Variants in TNRC18 observed in about 807,000 individuals in gnomAD.
TNRC18 encodes trinucleotide repeat containing 18, also known as trinucleotide repeat-containing gene 18 protein.
TNRC18 carries 69 observed loss-of-function variants against 226.7 expected under a neutral mutation model. The observed-to-expected ratio is 0.30, with a 90% CI of 0.25 to 0.37. The LOEUF is 0.37. Ranked by LOEUF, TNRC18 falls within the 10% of genes least tolerant of loss-of-function variation. The pLI, the probability that TNRC18 is intolerant of heterozygous loss-of-function variation, is 1.00. For missense variants in TNRC18, 4,754 were observed against 4,256.6 expected, an observed-to-expected ratio of 1.12 and a Z score of -3.25; for synonymous variants, 2,449 against 1,927.6, an observed-to-expected ratio of 1.27 and a Z score of -7.09.
chr7:5,315,903 C>T, intron 25 of TNRC18, 53 bp downstream of exon 25: 4 of 1,397,836 alleles, frequency 2.9e-6, no homozygotes, highest in Non-Finnish European at 2.9e-6. Flanking sequence ...AGGGCGAGAG[C>T]CTGGGTGGGC....
Position 5,374,344 on chromosome 7 carries a change from G to A in TNRC18, c.2940C>T (p.Ala980=), listed in dbSNP as rs756956239. 5.3e-5 allele frequency: 75 copies of A among 1,422,116 alleles called. 1 individual carries two copies. Among genetic ancestry groups the A allele is most frequent in the East Asian group, 1.2e-4 (4 of 34,294 alleles). 88.1% of individuals were successfully genotyped at this position (1,422,116 alleles called of 1,614,324 possible). The change falls in exon 10 of 30, where the codon GCC becomes GCT. Residue 980 remains alanine (A), a synonymous_variant. Transcript: ENST00000430969. The part of the protein sequence containing the change: ...LLPRKPPGLA[A]GPAGTYGKAV... ...CCTTGCCGTAGGTGCCCGCGGGGCC[G>A]GCGGCCAGGCCAGGGGGCTTCCGCG...
At chr7:5,328,110 C>A (rs1477461168) in intron 19 of TNRC18, among the ~76,000 whole-genome samples, 1 of 152,090 alleles carries the variant, frequency 6.6e-6, no homozygotes, top group African/African-American at 2.4e-5. Context: ...CCCAGCTACT[C>A]TGGAGGCTGA....
rs1312805749 is a variant in TNRC18 at position 5,409,499 on chromosome 7, T to C, written c.187+11561A>G. Among the ~76,000 whole-genome samples, 3 of 149,132 alleles carry C rather than the reference T, an allele frequency of 2.0e-5. 1 individual carries two copies. Among genetic ancestry groups the C allele is most frequent in the African/African-American group, 7.4e-5 (3 of 40,432 alleles). On this transcript the variant is annotated intron_variant, in intron 2 of 29. Transcript: ENST00000430969. ...GAGAAGGCTGAGGCAGGAGGATCGT[T>C]TGAGCCCCAGTCGTTTGAGCTCAAG...
At chr7:5,330,798 T>A (rs988956603) in intron 19 of TNRC18, among the ~76,000 whole-genome samples, 1 of 152,098 alleles carries the variant, frequency 6.6e-6, no homozygotes, top group Non-Finnish European at 1.5e-5. Context: ...CTCAGCCTCC[T>A]GAGTAGCTGG....
At position 5,307,324 on chromosome 7, in the gene TNRC18, A is replaced by T. The variant is rs551573612; in HGVS notation, c.*782T>A. 5 of 158,682 alleles carry T rather than the reference A, an allele frequency of 3.2e-5. No individual in the cohort carries two copies. In the South Asian group the frequency reaches 5.5e-4, roughly 18 times the overall value. 9.8% of individuals were successfully genotyped at this position (158,682 alleles called of 1,614,324 possible). Reference sequence around the variant, plus strand: ...AGTTGACTCCATTTAAAGGCTTATGATACAGGGGCGGGGCGAGTCTCTTGG... The same window carrying T: ...AGTTGACTCCATTTAAAGGCTTATGTTACAGGGGCGGGGCGAGTCTCTTGG... On this transcript the variant is annotated 3_prime_UTR_variant, in exon 30 of 30. Coordinates refer to ENST00000430969, the MANE Select transcript of TNRC18 (RefSeq NM_001080495.3).
chr7:5,389,461 G>GTTTTTTTTGTTTTT (rs1554297485), intron 4 of TNRC18, 125 bp from the exon 5 acceptor site: 2 of 564,674 alleles, frequency 3.5e-6, no homozygotes, highest in Non-Finnish European at 2.3e-6. Context: ...TTTGGTTTTG[G>GTTTTTTTTGTTTTT]TTTTTTTTTT....
At chr7:5,410,708 A>G (rs1393870002) in intron 2 of TNRC18, among the ~76,000 whole-genome samples, 1 of 151,748 alleles carries the variant, frequency 6.6e-6, no homozygotes, top group African/African-American at 2.4e-5. Context: ...TCTACTAAAA[A>G]TACAAAAATT....
intron 11 of TNRC18, among the ~76,000 whole-genome samples, chr7:5,369,939 T>C (rs977686924): frequency 6.6e-6 from 1 of 152,200 alleles, no homozygotes; most frequent in African/African-American, 2.4e-5. Context: ...GTTATGTGTA[T>C]CTTAACCACA....
chr7:5,315,312 G>T (rs1262693376), intron 25 of TNRC18, among the ~76,000 whole-genome samples, 164 bp from the exon 26 acceptor site: 2 of 152,212 alleles, frequency 1.3e-5, no homozygotes. Context: ...TCCAGCAGGG[G>T]AAACCCCGTC....
chr7:5,340,292 T>A (rs1451896961), intron 18 of TNRC18, among the ~76,000 whole-genome samples: 1 of 152,182 alleles, frequency 6.6e-6, no homozygotes, highest in East Asian at 1.9e-4. Context: ...GGAGAGAAGA[T>A]CAAACCACCC....
intron 2 of TNRC18, among the ~76,000 whole-genome samples, chr7:5,413,779 C>T (rs1259600526): frequency 1.3e-5 from 2 of 152,228 alleles, no homozygotes; most frequent in Admixed American, 6.5e-5. Context: ...GCGATCCACC[C>T]GCCTAGGCCT....
At chr7:5,350,184 G>A (rs757648548) in intron 17 of TNRC18, among the ~76,000 whole-genome samples, 6 of 151,972 alleles carry the variant, frequency 3.9e-5, no homozygotes, top group Non-Finnish European at 5.9e-5. Flanking sequence ...GCTCATCCAC[G>A]GACAGCCCGG....
intron 16 of TNRC18, among the ~76,000 whole-genome samples, chr7:5,356,474 G>T (rs1792393837): frequency 1.3e-5 from 2 of 152,346 alleles, no homozygotes; most frequent in Non-Finnish European, 2.9e-5. Flanking sequence ...GCAACAGACG[G>T]CATGCTTCCT....
intron 18 of TNRC18, among the ~76,000 whole-genome samples, chr7:5,342,195 G>A (rs190008436): frequency 9.2e-5 from 14 of 152,304 alleles, no homozygotes; most frequent in Admixed American, 5.2e-4. Context: ...TTGGGAGGCC[G>A]AGGCAAGTGG....
In TNRC18 at chr7:5,388,851, G is replaced by A; in HGVS notation, c.973C>T (p.Leu325Phe). ...GAGGGGCAGGGGCGCGGCCCAGGGA[G>A]CAGGGTCTCCGTGCGCCGCAGCAGC... The part of the protein sequence containing the change: ...ARLLRRTETL[L>F]PGPRPCPSPL... The change falls in exon 5 of 30, where the codon CTC becomes TTC. Residue 325 changes from leucine to phenylalanine, a missense_variant. By Grantham distance (22) the Leu-to-Phe change is conservative. Transcript: ENST00000430969. 1 of 1,261,680 alleles carries A rather than the reference G, an allele frequency of 7.9e-7. No homozygotes were observed. The highest frequency in any genetic ancestry group is 4.3e-5 in the East Asian group (1 of 23,492). The allele number at this position is 1,261,680 out of a possible 1,614,324, so 78.2% of individuals were successfully genotyped here.
At chr7:5,333,171 G>A (rs1789735437) in intron 18 of TNRC18, 122 bp from the exon 19 acceptor site, 3 of 1,138,512 alleles carry the variant, frequency 2.6e-6, no homozygotes, top group Admixed American at 2.1e-5. Context: ...GCTTCTGCCC[G>A]TTTCCAGGAG....
In TNRC18 at chr7:5,374,122, A is replaced by G; in HGVS notation, c.3162T>C (p.Asn1054=). The G allele has an allele frequency of 1.3e-6, 2 of 1,534,976 alleles. No homozygotes were observed. The highest frequency in any genetic ancestry group is 5.5e-5 in the East Asian group (2 of 36,620). Residue 1054 remains asparagine (N), a synonymous_variant, in exon 10 of 30, where the codon AAT becomes AAC. Transcript: ENST00000430969. ...ACTCCAAGTCTTTCTTCTCGACCAC[A>G]TTCTCGGGAGCCTCCTCCTTGCGGG... is the stretch of plus-strand genomic sequence containing the variant. ...GITRKEEAPE[N]VVEKKDLELE...
rs1255885628 is a variant in TNRC18, at chr7:5,313,289, C to A, written c.7602G>T (p.Thr2534=). ...TCTTGGGGTTCCCAGAGTCCTCGAA[C>A]GTGAGCCCCGGCCCGGGCTCCTGGG... ...DLAQEPGPGL[T]FEDSGNPKSP... The change falls in exon 27 of 30, where the codon ACG becomes ACT. Residue 2534 remains threonine (T), a synonymous_variant. Transcript: ENST00000430969. 6.5e-7 allele frequency: 1 copy of A among 1,548,486 alleles called. No individual in the cohort carries two copies. The highest frequency in any genetic ancestry group is 1.4e-5 in the African/African-American group (1 of 73,090).
intron 2 of TNRC18, chr7:5,420,781 G>A (rs1268913443): frequency 1.5e-6 from 1 of 657,036 alleles, no homozygotes; most frequent in East Asian, 3.0e-5. Context: ...CCGGGGCCCC[G>A]GGGATTGGAA....
Sources: gnomAD v4.1 joint callset for allele counts (sites outside exome capture counted in the v4.1 genomes callset) on GRCh38, gnomAD v4.1.1 for gene constraint, MANE v1.5 for transcripts, NCBI Gene and HGNC (gene_info 2026-07-23, HGNC 2026-07-21) for gene names.